Variants in SLIT3 observed in about 807,000 individuals in gnomAD.
The protein encoded by SLIT3 is slit homolog 3 protein.
In SLIT3, 68 loss-of-function variants were observed where a neutral mutation model predicts 184.0. The observed-to-expected ratio is 0.37, with a 90% CI of 0.30 to 0.45. SLIT3 has a LOEUF of 0.45. Among genes scored for constraint, SLIT3 ranks in the 20% least tolerant of loss-of-function variants. SLIT3 has a pLI of 1.00. For synonymous variants in SLIT3, 831 were observed against 828.6 expected (o/e 1.00, Z -0.05); for missense variants, 1,707 against 2,026.0 (o/e 0.84, Z 3.02).
At chr5:168,953,330 G>C (rs1035781736) in intron 4 of SLIT3, among the ~76,000 whole-genome samples, 1 of 152,180 alleles carries the variant, frequency 6.6e-6, no homozygotes, top group Non-Finnish European at 1.5e-5. Context: ...CAGTGCCGTT[G>C]TGAGGATTCA....
At chr5:169,091,471 G>A (rs1759580242) in intron 4 of SLIT3, among the ~76,000 whole-genome samples, 1 of 152,204 alleles carries the variant, frequency 6.6e-6, no homozygotes, top group African/African-American at 2.4e-5. Context: ...ATGGCCATGG[G>A]CCAGGTCAAA....
chr5:168,742,260 G>T (rs1763658922), intron 20 of SLIT3, among the ~76,000 whole-genome samples: 1 of 149,944 alleles, frequency 6.7e-6, no homozygotes, highest in Admixed American at 6.7e-5. Context: ...CTAGCCCAGT[G>T]CTCTTTCTAC....
intron 4 of SLIT3, among the ~76,000 whole-genome samples, chr5:168,967,308 T>A (rs1763230961): frequency 6.6e-6 from 1 of 151,874 alleles, no homozygotes; most frequent in Non-Finnish European, 1.5e-5. Context: ...AGGTGAACAA[T>A]CATGAGTTTA....
rs894174671 is a variant in SLIT3 at position 169,186,206 on chromosome 5, G to T, written c.413+7273C>A. Reference sequence around the variant, plus strand: ...ATCAGGTTGTTAAAGTGGCTATCAGGTTAAAATGAGGCCATTAGGGTGGAT... The same window carrying T: ...ATCAGGTTGTTAAAGTGGCTATCAGTTTAAAATGAGGCCATTAGGGTGGAT... On this transcript the variant is annotated intron_variant, in intron 4 of 35. Transcript: ENST00000519560. 2.0e-5 allele frequency among the ~76,000 whole-genome samples: 3 copies of T among 152,212 alleles called. No individual in the cohort carries two copies. In the East Asian group the frequency reaches 5.8e-4, roughly 29 times the overall value.
intron 5 of SLIT3, 31 bp from the exon 6 acceptor site, chr5:168,844,686 T>C (rs777376976): frequency 1.2e-6 from 2 of 1,610,832 alleles, no homozygotes; most frequent in East Asian, 4.5e-5. Context: ...GCATGAAGGC[T>C]GAGCGGGGGC....
intron 4 of SLIT3, among the ~76,000 whole-genome samples, chr5:168,940,560 T>C (rs1419692753): frequency 2.0e-5 from 3 of 152,186 alleles, no homozygotes; most frequent in African/African-American, 2.4e-5. Flanking sequence ...GATTCTTTTA[T>C]AGCCTGGTCT....
intron 1 of SLIT3, among the ~76,000 whole-genome samples, chr5:169,261,674 TA>T (rs1766182513): frequency 6.6e-6 from 1 of 152,224 alleles, no homozygotes; most frequent in African/African-American, 2.4e-5. Context: ...AAGTTCCTTT[TA>T]AGGAACTTTT....
Position 168,774,433 on chromosome 5 carries a change from G to A in SLIT3, c.1152-55C>T, listed in dbSNP as rs542310658. Reference sequence around the variant, plus strand: ...ACTAATCCTGGTAATTACCTGCGGGGCAAGGGTTGCACCTGCAGGGGATGG... The same window carrying A: ...ACTAATCCTGGTAATTACCTGCGGGACAAGGGTTGCACCTGCAGGGGATGG... On this transcript the variant is annotated intron_variant, in intron 12 of 35. Transcript: ENST00000519560. 98 of 1,544,670 alleles carry A rather than the reference G, an allele frequency of 6.3e-5. 1 individual carries two copies. In the South Asian group the frequency reaches 1.1e-3, roughly 18 times the overall value.
At chr5:169,160,914 C>T (rs1762455784) in intron 4 of SLIT3, among the ~76,000 whole-genome samples, 1 of 152,116 alleles carries the variant, frequency 6.6e-6, no homozygotes, top group Non-Finnish European at 1.5e-5. Flanking sequence ...TGATGTCTCA[C>T]CTTGCAGAGA....
At chr5:168,796,947 G>A (rs1172364560) in intron 9 of SLIT3, among the ~76,000 whole-genome samples, 1 of 152,158 alleles carries the variant, frequency 6.6e-6, no homozygotes, top group Non-Finnish European at 1.5e-5. Context: ...GGAAAGGCGG[G>A]TGAGAGGAGA....
At chr5:168,925,146 G>T (rs562580750) in intron 4 of SLIT3, among the ~76,000 whole-genome samples, 2 of 152,330 alleles carry the variant, frequency 1.3e-5, no homozygotes, top group South Asian at 4.1e-4. Flanking sequence ...TAAGCAGGAA[G>T]TCCAACAATT....
intron 4 of SLIT3, among the ~76,000 whole-genome samples, chr5:169,128,050 T>C (rs1761147669): frequency 6.6e-6 from 1 of 151,964 alleles, no homozygotes; most frequent in Admixed American, 6.6e-5. Flanking sequence ...GAACTAAAGA[T>C]TATTTAAATG....
chr5:168,711,995 C>T (rs990038581), intron 24 of SLIT3, among the ~76,000 whole-genome samples: 4 of 152,192 alleles, frequency 2.6e-5, no homozygotes, highest in African/African-American at 7.2e-5. Context: ...AAATGCCTTA[C>T]AGTTGTAAGA....
At chr5:169,021,851 C>T (rs9968663) in intron 4 of SLIT3, among the ~76,000 whole-genome samples, 21,688 of 152,182 alleles carry the variant, frequency 0.14, 2,811 homozygotes, top group African/African-American at 0.34. Flanking sequence ...ATGGCAGCCT[C>T]TATCCACATG....
chr5:169,032,211 T>C (rs924029641), intron 4 of SLIT3, among the ~76,000 whole-genome samples: 1 of 152,198 alleles, frequency 6.6e-6, no homozygotes, highest in African/African-American at 2.4e-5. Context: ...GTCATTATCA[T>C]TAACCATGTC....
At chr5:168,855,162 A>G (rs1292785732) in intron 5 of SLIT3, among the ~76,000 whole-genome samples, 2 of 152,190 alleles carry the variant, frequency 1.3e-5, no homozygotes, top group Non-Finnish European at 2.9e-5. Context: ...CTAGGATCAC[A>G]TGAGATTCCA....
intron 20 of SLIT3, among the ~76,000 whole-genome samples, chr5:168,745,859 A>AT (rs1486103369): frequency 1.3e-5 from 2 of 152,140 alleles, no homozygotes; most frequent in African/African-American, 4.8e-5. Flanking sequence ...TAGCCACCCA[A>AT]TGTTGGCCAC....
At chr5:168,774,694 G>T (rs966207448) in intron 12 of SLIT3, among the ~76,000 whole-genome samples, 2 of 152,042 alleles carry the variant, frequency 1.3e-5, no homozygotes, top group Admixed American at 6.5e-5. Context: ...TCTGTTTTAG[G>T]ATTCAGAGCT....
intron 4 of SLIT3, among the ~76,000 whole-genome samples, chr5:168,905,945 A>C (rs186145372): frequency 6.6e-4 from 101 of 152,322 alleles, no homozygotes; most frequent in Admixed American, 7.2e-4. Context: ...GCAAAGCATT[A>C]AAGGAGGTGA....
Sources: gnomAD v4.1 joint callset for allele counts (sites outside exome capture counted in the v4.1 genomes callset) on GRCh38, gnomAD v4.1.1 for gene constraint, MANE v1.5 for transcripts, NCBI Gene and HGNC (gene_info 2026-07-23, HGNC 2026-07-21) for gene names.